FAM78B: variants seen among roughly 807,000 people sequenced by gnomAD.
FAM78B encodes the protein protein FAM78B.
A neutral mutation model predicts 20.0 loss-of-function variants in FAM78B; 10 were observed. The observed-to-expected ratio is 0.50, with a 90% confidence interval of 0.31 to 0.85. The LOEUF is 0.85. FAM78B is among the 40% of genes least tolerant of loss of function. FAM78B has a pLI of 0.05. For synonymous variants in FAM78B, 135 were observed against 132.8 expected, an observed-to-expected ratio of 1.02 and a Z score of -0.12; for missense variants, 283 against 345.0, an observed-to-expected ratio of 0.82 and a Z score of 1.42.
intron 1 of FAM78B, among the ~76,000 whole-genome samples, chr1:166,126,625 C>T (rs1227319821): frequency 1.3e-5 from 2 of 151,758 alleles, no homozygotes; most frequent in African/African-American, 2.4e-5. Context: ...TAAGAGGGCA[C>T]GTGAGGCTGG....
In FAM78B at chr1:166,077,947, TTTATATATATAA is replaced by T. The variant is rs1187936740; in HGVS notation, c.264-7196_264-7185del. Among the ~76,000 whole-genome samples, 2 of 17,714 alleles carry T rather than the reference TTTATATATATAA, an allele frequency of 1.1e-4. 1 individual carries two copies. Among genetic ancestry groups the T allele is most frequent in the Non-Finnish European group, 1.7e-4 (2 of 11,860 alleles). 11.6% of individuals were successfully genotyped at this position (17,714 alleles called of 152,430 possible). On this transcript the variant is annotated intron_variant, in intron 1 of 1. Transcript: ENST00000354422. The stretch of plus-strand genomic sequence containing the variant: ...AATAAATATATAATAATATATATAA[TTTATATATATAA>T]TTATATATATAATAAATATATATAA...
rs78105457 is a variant in FAM78B at position 166,062,288 on chromosome 1, C to T, written c.*410-1625G>A. ...TCTCAGGTCTTCTGGTCCATGAGAC[C>T]ACCCTGTGCCAATGAACACTGCATT... On this transcript the variant is annotated intron_variant and NMD_transcript_variant, in intron 2 of 2. Coordinates refer to the FAM78B transcript ENST00000435676. 3.9e-4 allele frequency among the ~76,000 whole-genome samples: 60 copies of T among 152,220 alleles called. 2 individuals are homozygous for T. In the East Asian group the frequency reaches 0.011, roughly 27 times the overall value.
intron 1 of FAM78B, among the ~76,000 whole-genome samples, chr1:166,125,448 C>T (rs1466347676): frequency 1.3e-5 from 2 of 152,166 alleles, no homozygotes; most frequent in Non-Finnish European, 2.9e-5. Flanking sequence ...GTCCATCTTC[C>T]CTGCCAGTGG....
chr1:166,112,491 G>C (rs73041238), intron 1 of FAM78B, among the ~76,000 whole-genome samples: 170 of 152,252 alleles, frequency 1.1e-3, no homozygotes, highest in African/African-American at 3.8e-3. Flanking sequence ...GCAAGACCAA[G>C]TGCTCTCATG....
chr1:166,104,176 A>G (rs916827757), intron 1 of FAM78B, among the ~76,000 whole-genome samples: 4 of 152,218 alleles, frequency 2.6e-5, no homozygotes, highest in Non-Finnish European at 4.4e-5. Context: ...AAAACTCTCA[A>G]TAAATTAGGT....
At chr1:166,118,727 A>T (rs1439351159) in intron 1 of FAM78B, among the ~76,000 whole-genome samples, 1 of 152,058 alleles carries the variant, frequency 6.6e-6, no homozygotes, top group African/African-American at 2.4e-5. Flanking sequence ...CTTTGATGCA[A>T]TCTAACCCTC....
chr1:166,165,850 G>A, intron 1 of FAM78B, 136 bp downstream of exon 1: 1 of 977,546 alleles, frequency 1.0e-6, no homozygotes, highest in Non-Finnish European at 1.5e-6. Flanking sequence ...GAGGAGGGAG[G>A]TGGGAGAGGA....
intron 1 of FAM78B, among the ~76,000 whole-genome samples, chr1:166,157,179 C>A (rs759728031): frequency 9.9e-5 from 15 of 151,946 alleles, no homozygotes; most frequent in Non-Finnish European, 1.8e-4. Context: ...ATGCCAGAGA[C>A]CCCTCTCCAG....
intron 1 of FAM78B, among the ~76,000 whole-genome samples, chr1:166,149,070 G>A (rs1473275141): frequency 2.0e-5 from 3 of 152,038 alleles, no homozygotes; most frequent in Non-Finnish European, 2.9e-5. Context: ...TTGGTTCCAA[G>A]TCTTTGCTAT....
rs747699479 is a variant in FAM78B at position 166,069,907 on chromosome 1, C to A, written c.*334G>T. 5.5e-5 allele frequency: 50 copies of A among 911,148 alleles called. No individual in the cohort carries two copies. Among genetic ancestry groups the A allele is most frequent in the Non-Finnish European group, 6.7e-5 (50 of 751,860 alleles). The allele number at this position is 911,148 out of a possible 1,614,324, so 56.4% of individuals were successfully genotyped here. ...ATTTGCCACAGGCACTGTTTAATTT[C>A]GTTTCCATCCCCTGCATCTCACAGG... is the stretch of plus-strand genomic sequence containing the variant. On this transcript the variant is annotated 3_prime_UTR_variant, in exon 2 of 2. Transcript: ENST00000354422.
intron 1 of FAM78B, among the ~76,000 whole-genome samples, chr1:166,162,725 C>T (rs1305034897): frequency 6.6e-6 from 1 of 152,188 alleles, no homozygotes; most frequent in African/African-American, 2.4e-5. Context: ...CTTTTCCAGA[C>T]TATGTTATTC....
downstream of FAM78B, among the ~76,000 whole-genome samples, chr1:166,068,282 A>G (rs1310590496): frequency 6.6e-6 from 1 of 152,200 alleles, no homozygotes; most frequent in African/African-American, 2.4e-5. Flanking sequence ...GCTCTCTGGG[A>G]CTGCCTTTCC....
At chr1:166,118,801 G>C (rs965409795) in intron 1 of FAM78B, among the ~76,000 whole-genome samples, 1 of 152,146 alleles carries the variant, frequency 6.6e-6, no homozygotes, top group Non-Finnish European at 1.5e-5. Context: ...GAGCTAGGTG[G>C]TGACTGAGTT....
At chr1:166,104,985 T>C (rs1440572441) in intron 1 of FAM78B, among the ~76,000 whole-genome samples, 1 of 152,216 alleles carries the variant, frequency 6.6e-6, no homozygotes, top group Admixed American at 6.5e-5. Flanking sequence ...CAAAACAGCA[T>C]GGTACTGGTA....
At chr1:166,123,726 G>C (rs945339834) in intron 1 of FAM78B, among the ~76,000 whole-genome samples, 1 of 152,112 alleles carries the variant, frequency 6.6e-6, no homozygotes. Context: ...GGATCTCAGG[G>C]GTCAGGACAG....
In FAM78B at chr1:166,090,629, T is replaced by C. The variant is rs575426664; in HGVS notation, c.264-19866A>G. ...ATGGCTCATGAGCCATCAGTTCGAA[T>C]GATTTCTTCACCACCTGCCATGTGC... On this transcript the variant is annotated intron_variant, in intron 1 of 1. Coordinates refer to ENST00000354422, the MANE Select transcript of FAM78B (RefSeq NM_001017961.5). Among the ~76,000 whole-genome samples, 14 of 152,320 alleles carry C rather than the reference T, an allele frequency of 9.2e-5. No individual in the cohort carries two copies. The South Asian group carries it at 2.3e-3, about 25-fold the overall frequency.
intron 1 of FAM78B, among the ~76,000 whole-genome samples, chr1:166,092,087 GTCTA>G (rs1301898812): frequency 2.0e-5 from 3 of 146,466 alleles, no homozygotes; most frequent in African/African-American, 7.5e-5. Context: ...TGTATCAAAA[GTCTA>G]TCTTTCTGAG....
At chr1:166,083,603 C>G (rs556544916) in intron 1 of FAM78B, among the ~76,000 whole-genome samples, 1 of 152,156 alleles carries the variant, frequency 6.6e-6, no homozygotes, top group Non-Finnish European at 1.5e-5. Flanking sequence ...CTCTTGGGTT[C>G]AAGTGCTTCT....
At position 166,070,560 on chromosome 1, in the gene FAM78B, T is replaced by C. The variant is rs116091195; in HGVS notation, c.467A>G (p.Asn156Ser). The change falls in exon 2 of 2, where the codon AAT (asparagine) becomes AGT (serine). Residue 156 changes from asparagine to serine, a missense_variant. Asn to Ser is a conservative substitution (Grantham distance 46, BLOSUM62 1). Coordinates refer to ENST00000354422, the MANE Select transcript of FAM78B (RefSeq NM_001017961.5). ...CTTGATTCTTGTGAGCAGTGGCACA[T>C]TGCTGTCACTCACAGGCACTGCCCA... ...VTWAVPVSDS[N>S]VPLLTRIKRD... 5.0e-5 allele frequency: 81 copies of C among 1,613,928 alleles called. No individual in the cohort carries two copies. The highest frequency in any genetic ancestry group is 4.9e-4 in the Middle Eastern group (3 of 6,062).
Sources: allele counts gnomAD v4.1 joint callset (sites outside exome capture counted in the v4.1 genomes callset), GRCh38; gene constraint gnomAD v4.1.1; transcripts MANE v1.5; gene names NCBI Gene and HGNC (gene_info 2026-07-23, HGNC 2026-07-21).